C13orf46: variants seen among roughly 807,000 people sequenced by gnomAD.
The protein encoded by C13orf46 is uncharacterized protein C13orf46.
the C13orf46 span, among the ~76,000 whole-genome samples, chr13:113,948,587 C>T: frequency 5.9e-5 from 9 of 152,278 alleles, no homozygotes; most frequent in South Asian, 2.1e-4. Context: ...GTCTTTGTCC[C>T]GCTTCTGCAG....
downstream of C13orf46, among the ~76,000 whole-genome samples, chr13:113,951,731 G>A (rs1009461009): frequency 6.6e-6 from 1 of 152,236 alleles, no homozygotes; most frequent in African/African-American, 2.4e-5. Context: ...AGGCCATGGC[G>A]CTGCGGCCCT....
intron 4 of C13orf46, among the ~76,000 whole-genome samples, chr13:113,968,207 C>T (rs1413297743): frequency 1.3e-5 from 2 of 152,200 alleles, no homozygotes; most frequent in African/African-American, 4.8e-5. Context: ...GAGGGCACCT[C>T]CTCTCAGGGC....
At chr13:113,945,108 G>C in the C13orf46 span, among the ~76,000 whole-genome samples, 2 of 150,418 alleles carry the variant, frequency 1.3e-5, no homozygotes, top group African/African-American at 2.4e-5. Flanking sequence ...GACGGGCTCT[G>C]CAGGTGTGCG....
Position 113,955,267 on chromosome 13 carries a change from G to C in C13orf46, c.*1506C>G. 5.0e-6 allele frequency: 1 copy of C among 199,172 alleles called. No individual in the cohort carries two copies. Among genetic ancestry groups the C allele is most frequent in the Non-Finnish European group, 1.0e-5 (1 of 97,932 alleles). The allele number at this position is 199,172 out of a possible 1,614,324, so 12.3% of individuals were successfully genotyped here. Reference sequence around the variant, plus strand: ...GCGGAGACGAGGAGCATCTGGCGGAGAGGAGGAGTAGTATCTGGCGGAGAG... The same window carrying C: ...GCGGAGACGAGGAGCATCTGGCGGACAGGAGGAGTAGTATCTGGCGGAGAG... On this transcript the variant is annotated 3_prime_UTR_variant, in exon 7 of 7. Transcript: ENST00000636427.
rs151219913 is a variant in C13orf46 at position 113,970,593 on chromosome 13, G to A, written c.191-371C>T. Among the ~76,000 whole-genome samples the A allele has an allele frequency of 4.2e-3, 639 of 152,234 alleles. 2 individuals are homozygous for A. Among genetic ancestry groups the A allele is most frequent in the African/African-American group, 0.015 (609 of 41,534 alleles). On this transcript the variant is annotated intron_variant, in intron 1 of 6. Transcript: ENST00000636427. ...CACAGCTGGCTGGAGGTAGCTGAGC[G>A]GGAGGGTGGGAGAAGCCCACAAGAC...
At chr13:113,945,575 A>AAGAAAGAAAGAAAGAAAGAGAGAGAG in the C13orf46 span, among the ~76,000 whole-genome samples, 1 of 89,068 alleles carries the variant, frequency 1.1e-5, no homozygotes, top group African/African-American at 4.2e-5. Context: ...GAAAGAAAGA[A>AAGAAAGAAAGAAAGAAAGAGAGAGAG]AGAGAGAGAG....
chr13:113,932,283 G>C, the C13orf46 span, among the ~76,000 whole-genome samples: 2 of 152,222 alleles, frequency 1.3e-5, no homozygotes, highest in African/African-American at 4.8e-5. Flanking sequence ...TGGTGACTCT[G>C]TGTAGCTTTT....
At chr13:113,930,674 C>T in the C13orf46 span, among the ~76,000 whole-genome samples, 13 of 152,348 alleles carry the variant, frequency 8.5e-5, no homozygotes, top group East Asian at 2.5e-3. Flanking sequence ...GAGCCACCAT[C>T]CAGACCACAC....
At chr13:113,966,105 A>G (rs2052642756) in intron 5 of C13orf46, among the ~76,000 whole-genome samples, 1 of 142,790 alleles carries the variant, frequency 7.0e-6, no homozygotes, top group African/African-American at 2.7e-5. Context: ...GATGGTGATG[A>G]TGATGATGGT....
the C13orf46 span, among the ~76,000 whole-genome samples, chr13:113,937,176 CATAATTTTTCCACTGTT>C: frequency 2.0e-5 from 3 of 152,166 alleles, no homozygotes; most frequent in Non-Finnish European, 4.4e-5. Context: ...CTTTCACTGC[CATAATTTTTCCACTGTT>C]ATAATTTTTG....
chr13:113,957,396 A>G (rs1299838931), intron 6 of C13orf46, among the ~76,000 whole-genome samples: 20 of 43,778 alleles, frequency 4.6e-4, no homozygotes, highest in African/African-American at 2.0e-3. Flanking sequence ...TCTCCCCCGC[A>G]CTCTGCCTGC....
chr13:113,940,051 G>A, the C13orf46 span, among the ~76,000 whole-genome samples: 1 of 152,222 alleles, frequency 6.6e-6, no homozygotes, highest in African/African-American at 2.4e-5. Context: ...AGGCATTCGG[G>A]CCACCTCAGA....
downstream of C13orf46, among the ~76,000 whole-genome samples, chr13:113,951,862 C>A (rs1396726830): frequency 5.9e-5 from 9 of 152,270 alleles, no homozygotes; most frequent in Admixed American, 5.2e-4. Context: ...GCACCTGCTG[C>A]TCTGTGTTCA....
chr13:113,937,063 C>T, the C13orf46 span, among the ~76,000 whole-genome samples: 1 of 152,168 alleles, frequency 6.6e-6, no homozygotes, highest in Admixed American at 6.5e-5. Context: ...ATCATTTAAG[C>T]TATAAACTAA....
chr13:113,944,646 C>T, the C13orf46 span, among the ~76,000 whole-genome samples: 1 of 127,426 alleles, frequency 7.8e-6, no homozygotes, highest in Non-Finnish European at 1.6e-5. Context: ...AGGTGTGTGA[C>T]AAGTCCTCCA....
chr13:113,928,090 TTC>T, the C13orf46 span: 1 of 154,022 alleles, frequency 6.5e-6, no homozygotes, highest in Non-Finnish European at 1.4e-5. Context: ...GAAATGGAAT[TTC>T]TGTTTATCCT....
intron 1 of C13orf46, among the ~76,000 whole-genome samples, chr13:113,972,679 C>G (rs993815628): frequency 6.6e-6 from 1 of 152,230 alleles, no homozygotes; most frequent in African/African-American, 2.4e-5. Flanking sequence ...GCAGCCTACA[C>G]GTTTCGCGGT....
chr13:113,941,720 C>A, the C13orf46 span, among the ~76,000 whole-genome samples: 11 of 152,208 alleles, frequency 7.2e-5, no homozygotes, highest in African/African-American at 2.4e-4. Context: ...GCACGCCAGG[C>A]ACCCTGGGTG....
the C13orf46 span, among the ~76,000 whole-genome samples, chr13:113,935,947 A>G: frequency 4.6e-5 from 7 of 152,240 alleles, no homozygotes; most frequent in Non-Finnish European, 1.0e-4. Flanking sequence ...GTCACACTGG[A>G]TATCATTTTA....
Sources: allele counts gnomAD v4.1 joint callset (sites outside exome capture counted in the v4.1 genomes callset), GRCh38; gene constraint gnomAD v4.1.1; transcripts MANE v1.5; gene names NCBI Gene and HGNC (gene_info 2026-07-23, HGNC 2026-07-21).